The following COX7B2 variants were observed in gnomAD, a reference collection of about 807,000 sequenced individuals.
COX7B2 encodes cytochrome c oxidase subunit 7B2.
For synonymous variants in COX7B2, 37 were observed against 32.1 expected (o/e 1.15, Z -0.51); for missense variants, 109 against 95.9 (o/e 1.14, Z -0.57).
chr4:46,902,594 T>C (rs1466032745), intron 1 of COX7B2, among the ~76,000 whole-genome samples: 1 of 152,250 alleles, frequency 6.6e-6, no homozygotes, highest in African/African-American at 2.4e-5. Flanking sequence ...AGACCACTGT[T>C]AGCAGTTAAG....
At chr4:46,773,004 G>A (rs1464295082) in intron 2 of COX7B2, among the ~76,000 whole-genome samples, 1 of 152,110 alleles carries the variant, frequency 6.6e-6, no homozygotes, top group Non-Finnish European at 1.5e-5. Context: ...TGGAAAAGTA[G>A]TAAATTGGCT....
intron 2 of COX7B2, among the ~76,000 whole-genome samples, chr4:46,825,863 T>C (rs1714655563): frequency 6.6e-6 from 1 of 151,914 alleles, no homozygotes; most frequent in South Asian, 2.1e-4. Flanking sequence ...TCCTATAACA[T>C]GCACAAAAAC....
intron 2 of COX7B2, among the ~76,000 whole-genome samples, chr4:46,745,151 A>T (rs763143752): frequency 1.3e-5 from 2 of 152,300 alleles, no homozygotes; most frequent in Non-Finnish European, 2.9e-5. Flanking sequence ...AATTTTGATA[A>T]AACTACCCAT....
chr4:46,856,606 G>C (rs1454403245), intron 1 of COX7B2, among the ~76,000 whole-genome samples: 1 of 152,030 alleles, frequency 6.6e-6, no homozygotes, highest in Non-Finnish European at 1.5e-5. Context: ...CTTTGGACAG[G>C]GGACACTGCC....
chr4:46,829,952 TTAAAC>T (rs1714953935), intron 2 of COX7B2, among the ~76,000 whole-genome samples: 1 of 152,090 alleles, frequency 6.6e-6, no homozygotes, highest in Admixed American at 6.5e-5. Context: ...GAAGAAATAA[TTAAAC>T]GGAGAAATTG....
At chr4:46,792,858 G>A (rs1718122357) in intron 2 of COX7B2, among the ~76,000 whole-genome samples, 1 of 152,150 alleles carries the variant, frequency 6.6e-6, no homozygotes, top group Non-Finnish European at 1.5e-5. Context: ...TTAGCTTTAA[G>A]ATGCTAATGG....
chr4:46,820,396 T>C (rs1320478214), intron 2 of COX7B2, among the ~76,000 whole-genome samples: 1 of 152,128 alleles, frequency 6.6e-6, no homozygotes, highest in African/African-American at 2.4e-5. Context: ...TAAATATAGA[T>C]GAAGCCTCAC....
At chr4:46,864,395 C>A (rs1320542236) in intron 1 of COX7B2, among the ~76,000 whole-genome samples, 1 of 152,068 alleles carries the variant, frequency 6.6e-6, no homozygotes, top group East Asian at 1.9e-4. Context: ...GAGAAGCCAA[C>A]AACTGAAGGG....
intron 2 of COX7B2, among the ~76,000 whole-genome samples, chr4:46,807,076 T>A (rs557105603): frequency 1.1e-3 from 168 of 151,794 alleles, no homozygotes; most frequent in Non-Finnish European, 1.9e-3. Context: ...CTATTTTAAA[T>A]TTTTTTAGAA....
chr4:46,792,877 C>T (rs933795796), intron 2 of COX7B2, among the ~76,000 whole-genome samples: 3 of 152,086 alleles, frequency 2.0e-5, no homozygotes, highest in Non-Finnish European at 4.4e-5. Context: ...GGCTCTATTT[C>T]CAGTAATAGA....
intron 2 of COX7B2, among the ~76,000 whole-genome samples, chr4:46,757,867 C>T (rs1490521994): frequency 1.3e-5 from 2 of 152,102 alleles, no homozygotes; most frequent in Non-Finnish European, 2.9e-5. Context: ...GAAGGCTTAA[C>T]ACACAAGGCC....
intron 2 of COX7B2, among the ~76,000 whole-genome samples, chr4:46,809,566 C>T (rs1197733252): frequency 6.6e-5 from 10 of 151,726 alleles, no homozygotes; most frequent in Non-Finnish European, 1.3e-4. Flanking sequence ...TTAATTTCCA[C>T]AAATTTATGA....
chr4:46,873,815 C>T (rs1234310140), intron 1 of COX7B2, among the ~76,000 whole-genome samples: 3 of 152,096 alleles, frequency 2.0e-5, no homozygotes, highest in Non-Finnish European at 2.9e-5. Context: ...TGCTATCCCT[C>T]CCCCTTCCCC....
At chr4:46,888,470 G>A (rs969798111) in intron 1 of COX7B2, among the ~76,000 whole-genome samples, 3 of 150,974 alleles carry the variant, frequency 2.0e-5, no homozygotes, top group African/African-American at 7.3e-5. Context: ...TTGAGACGGA[G>A]TCTTGATCTG....
At position 46,735,243 on chromosome 4, in the gene COX7B2, T is replaced by G; in HGVS notation, c.-49-2A>C. 6.2e-7 allele frequency: 1 copy of G among 1,600,992 alleles called. No homozygotes were observed. Among genetic ancestry groups the G allele is most frequent in the Non-Finnish European group, 8.5e-7 (1 of 1,174,542 alleles). On this transcript the variant is annotated splice_acceptor_variant, in intron 2 of 2. Transcript: ENST00000355591. LOFTEE classifies it low-confidence loss of function (5UTR_SPLICE). ...CTGGTCTATTTTGTTGCAAAGAGGC[T>G]GGAAAGAGAGAAAAGATATGCATTG...
At chr4:46,758,302 A>G (rs987776208) in intron 2 of COX7B2, among the ~76,000 whole-genome samples, 14 of 152,122 alleles carry the variant, frequency 9.2e-5, no homozygotes, top group African/African-American at 3.4e-4. Context: ...AGAGCATAGA[A>G]AATGTATCAA....
intron 1 of COX7B2, among the ~76,000 whole-genome samples, chr4:46,891,300 G>A (rs1275675229): frequency 6.6e-6 from 1 of 152,126 alleles, no homozygotes; most frequent in Non-Finnish European, 1.5e-5. Context: ...AGAACCTGGG[G>A]AATCTTCCAT....
rs865872870 is a variant in COX7B2, at chr4:46,906,051, G to C, written c.-105+3109C>G. ...TCACCTTGTTAGCCAGGATGGTCTC[G>C]ATCTCCTGACCTCATGATCCACCCG... On this transcript the variant is annotated intron_variant, in intron 1 of 2. Transcript: ENST00000355591. Among the ~76,000 whole-genome samples, 194 of 151,192 alleles carry C rather than the reference G, an allele frequency of 1.3e-3. 2 individuals are homozygous for C. The highest frequency in any genetic ancestry group is 4.5e-3 in the African/African-American group (185 of 41,148).
chr4:46,894,649 AAACTT>A (rs1719642616), intron 1 of COX7B2, among the ~76,000 whole-genome samples: 1 of 152,188 alleles, frequency 6.6e-6, no homozygotes, highest in African/African-American at 2.4e-5. Flanking sequence ...GGATCTAACT[AAACTT>A]AAGAGCTTCT....
Sources: allele counts gnomAD v4.1 joint callset (sites outside exome capture counted in the v4.1 genomes callset), GRCh38; gene constraint gnomAD v4.1.1; transcripts MANE v1.5; gene names NCBI Gene and HGNC (gene_info 2026-07-23, HGNC 2026-07-21).